DNAAF11: variants seen among roughly 807,000 people sequenced by gnomAD.
DNAAF11 encodes dynein axonemal assembly factor 11.
Under a neutral mutation model 60.8 loss-of-function variants are expected in DNAAF11, and 45 were observed. That is an observed-to-expected ratio of 0.74 (90% CI 0.58 to 0.95). DNAAF11 has a LOEUF of 0.95. Ranked by LOEUF, DNAAF11 falls within the 40% of genes least tolerant of loss-of-function variation. The pLI, the probability that DNAAF11 is intolerant of heterozygous loss-of-function variation, is 0.00. For missense variants in DNAAF11, 546 were observed against 546.2 expected, an observed-to-expected ratio of 1.00 and a Z score of 0.00; for synonymous variants, 191 against 183.5, an observed-to-expected ratio of 1.04 and a Z score of -0.33.
intron 10 of DNAAF11, among the ~76,000 whole-genome samples, chr8:132,584,320 G>A (rs1191544553): frequency 2.6e-5 from 4 of 152,176 alleles, no homozygotes; most frequent in African/African-American, 9.7e-5. Flanking sequence ...TGCTAAGCAT[G>A]TTGAAGTCTC....
intron 3 of DNAAF11, among the ~76,000 whole-genome samples, chr8:132,651,757 C>A (rs1048168185): frequency 6.6e-6 from 1 of 152,172 alleles, no homozygotes; most frequent in African/African-American, 2.4e-5. Context: ...TTAATTATTT[C>A]TTTGGCATTT....
intron 2 of DNAAF11, among the ~76,000 whole-genome samples, chr8:132,657,171 G>A (rs1823662970): frequency 6.6e-6 from 1 of 152,092 alleles, no homozygotes; most frequent in Admixed American, 6.6e-5. Flanking sequence ...GTTTAGCCAA[G>A]CTGGGCCAGT....
rs544976540 is a variant in DNAAF11 at position 132,573,514 on chromosome 8, T to C, written c.1227-1034A>G. On this transcript the variant is annotated intron_variant, in intron 11 of 11. Coordinates refer to ENST00000620350, the MANE Select transcript of DNAAF11 (RefSeq NM_012472.6). ...TCTTTGAAGCAAAGGTTTTGTCTTTTTCATCTTTTATCCTAGGCATATGGC... is the reference window on the plus strand; with the variant it reads ...TCTTTGAAGCAAAGGTTTTGTCTTTCTCATCTTTTATCCTAGGCATATGGC... 1.7e-4 allele frequency among the ~76,000 whole-genome samples: 26 copies of C among 152,336 alleles called. No homozygotes were observed. In the South Asian group the frequency reaches 4.3e-3, roughly 25 times the overall value.
chr8:132,684,268 A>G, the DNAAF11 span, among the ~76,000 whole-genome samples: 1 of 152,234 alleles, frequency 6.6e-6, no homozygotes, highest in African/African-American at 2.4e-5. Flanking sequence ...TTTATTAAAG[A>G]AAAAGGATGT....
intron 2 of DNAAF11, among the ~76,000 whole-genome samples, chr8:132,658,073 T>A (rs984244566): frequency 5.3e-5 from 8 of 152,178 alleles, no homozygotes; most frequent in Non-Finnish European, 1.0e-4. Context: ...AGATGGTGAT[T>A]TATAATCATC....
chr8:132,579,908 A>G (rs1029959594), intron 11 of DNAAF11, among the ~76,000 whole-genome samples: 2 of 152,108 alleles, frequency 1.3e-5, no homozygotes, highest in Admixed American at 6.5e-5. Flanking sequence ...GAGGCACAAG[A>G]ATCGCTTGAA....
chr8:132,656,770 C>A (rs1823615716), intron 3 of DNAAF11, 60 bp downstream of exon 3: 2 of 757,634 alleles, frequency 2.6e-6, no homozygotes, highest in African/African-American at 1.8e-5. Context: ...CTGCACCTGG[C>A]CTTCTAACTT....
At chr8:132,623,904 G>A (rs865796836) in intron 6 of DNAAF11, among the ~76,000 whole-genome samples, 41 of 152,154 alleles carry the variant, frequency 2.7e-4, no homozygotes, top group African/African-American at 8.9e-4. Context: ...TGCTTACACC[G>A]AATTAATAAA....
Position 132,675,515 on chromosome 8 carries a change from C to G in DNAAF11, c.-22G>C. On this transcript the variant is annotated 5_prime_UTR_variant, in exon 1 of 12. Transcript: ENST00000620350. Reference sequence around the variant, plus strand: ...CCATGGCGCCTCTCCAGTTCGCTGACCCCGCAAGCCGGACCCGGACCTCGA... The same window carrying G: ...CCATGGCGCCTCTCCAGTTCGCTGAGCCCGCAAGCCGGACCCGGACCTCGA... 6.4e-7 allele frequency: 1 copy of G among 1,556,508 alleles called. No individual in the cohort carries two copies. The highest frequency in any genetic ancestry group is 8.7e-7 in the Non-Finnish European group (1 of 1,146,612).
intron 3 of DNAAF11, among the ~76,000 whole-genome samples, chr8:132,654,828 A>G (rs1275391486): frequency 6.6e-6 from 1 of 151,964 alleles, no homozygotes; most frequent in African/African-American, 2.4e-5. Context: ...ATAAAAAACA[A>G]CGACTCATAT....
At chr8:132,606,873 T>C (rs1285105440) in intron 10 of DNAAF11, among the ~76,000 whole-genome samples, 1 of 152,246 alleles carries the variant, frequency 6.6e-6, no homozygotes, top group Non-Finnish European at 1.5e-5. Flanking sequence ...TTTGTATAGC[T>C]GTATAATGTA....
At chr8:132,600,181 A>G (rs1817460430) in intron 10 of DNAAF11, among the ~76,000 whole-genome samples, 1 of 152,212 alleles carries the variant, frequency 6.6e-6, no homozygotes, top group Non-Finnish European at 1.5e-5. Flanking sequence ...AATTGCTTCA[A>G]AGAGAATAAA....
chr8:132,583,883 TTTC>T, intron 10 of DNAAF11, 104 bp from the exon 11 acceptor site: 1 of 773,612 alleles, frequency 1.3e-6, no homozygotes, highest in Non-Finnish European at 2.2e-6. Context: ...ATTTTAATTT[TTTC>T]TCTACATATT....
At chr8:132,604,093 T>C (rs1817909791) in intron 10 of DNAAF11, among the ~76,000 whole-genome samples, 1 of 152,162 alleles carries the variant, frequency 6.6e-6, no homozygotes, top group Non-Finnish European at 1.5e-5. Context: ...TGAGCTTCAG[T>C]TGGAAGTTTT....
chr8:132,582,871 A>T (rs1815480497), intron 11 of DNAAF11, among the ~76,000 whole-genome samples: 1 of 152,246 alleles, frequency 6.6e-6, no homozygotes, highest in South Asian at 2.1e-4. Context: ...GAAAATCATA[A>T]GAAGCAGAAG....
chr8:132,646,835 C>T (rs369957784), intron 3 of DNAAF11, among the ~76,000 whole-genome samples: 2 of 151,382 alleles, frequency 1.3e-5, no homozygotes, highest in Admixed American at 6.6e-5. Context: ...AGCACCCAGA[C>T]TCATAAAGCA....
upstream of DNAAF11, chr8:132,675,759 C>G (rs1005918332): frequency 4.9e-6 from 2 of 410,300 alleles, no homozygotes; most frequent in Non-Finnish European, 8.6e-6. Context: ...TCCGACTTGC[C>G]ACAGACTGCT....
At chr8:132,695,589 G>A in the DNAAF11 span, among the ~76,000 whole-genome samples, 3 of 152,152 alleles carry the variant, frequency 2.0e-5, no homozygotes, top group Admixed American at 6.5e-5. Flanking sequence ...GAGACTGGGC[G>A]AGGAGGTACT....
upstream of DNAAF11, among the ~76,000 whole-genome samples, chr8:132,677,131 A>G (rs766966424): frequency 1.2e-4 from 18 of 152,206 alleles, no homozygotes; most frequent in East Asian, 1.9e-4. Context: ...TGACACTGAC[A>G]CGTGACACTG....
Sources: gnomAD v4.1 joint callset for allele counts (sites outside exome capture counted in the v4.1 genomes callset) on GRCh38, gnomAD v4.1.1 for gene constraint, MANE v1.5 for transcripts, NCBI Gene and HGNC (gene_info 2026-07-23, HGNC 2026-07-21) for gene names.